The following PDE5A variants were observed in gnomAD, a reference collection of about 807,000 sequenced individuals.
The protein encoded by PDE5A is cGMP-specific 3',5'-cyclic phosphodiesterase.
A neutral mutation model predicts 110.2 loss-of-function variants in PDE5A; 67 were observed. The ratio of observed to expected loss-of-function variants is 0.61; its 90% confidence interval spans 0.50 to 0.75. The LOEUF (loss-of-function observed/expected upper bound fraction) is 0.75. PDE5A is among the 30% of genes least tolerant of loss of function. The probability of loss-of-function intolerance (pLI) is 0.00; values close to 1 mark genes in which losing one functional copy is unlikely to be tolerated. For missense variants in PDE5A, 862 were observed against 1,045.1 expected, an observed-to-expected ratio of 0.82 and a Z score of 2.42; for synonymous variants, 328 against 351.2, an observed-to-expected ratio of 0.93 and a Z score of 0.74.
At chr4:119,570,056 A>T (rs1280093314) in intron 3 of PDE5A, among the ~76,000 whole-genome samples, 2 of 152,178 alleles carry the variant, frequency 1.3e-5, no homozygotes, top group African/African-American at 4.8e-5. Context: ...GAAAAATGAC[A>T]CTGATAAAAA....
chr4:119,545,132 A>G (rs551307475), intron 9 of PDE5A, among the ~76,000 whole-genome samples: 46 of 152,306 alleles, frequency 3.0e-4, no homozygotes, highest in African/African-American at 1.1e-3. Context: ...AATAGCATTC[A>G]TGATAATCCC....
intron 3 of PDE5A, among the ~76,000 whole-genome samples, chr4:119,567,569 A>G (rs761800088): frequency 5.9e-5 from 9 of 152,212 alleles, no homozygotes; most frequent in Non-Finnish European, 1.0e-4. Context: ...CTTTTACTAA[A>G]AATGAAACAG....
In PDE5A at chr4:119,607,306, C is replaced by A; in HGVS notation, c.153-9G>T. ...ATGCATTGACCATTTCTCTGCAGAA[C>A]AGAACGTGCAGACACATTAGATACT... On this transcript the variant is annotated splice_polypyrimidine_tract_variant and intron_variant, in intron 1 of 20. Coordinates refer to ENST00000354960, the MANE Select transcript of PDE5A (RefSeq NM_001083.4). The A allele has an allele frequency of 6.4e-7, 1 of 1,569,486 alleles. No homozygotes were observed. Among genetic ancestry groups the A allele is most frequent in the Non-Finnish European group, 8.7e-7 (1 of 1,148,636 alleles).
At position 119,497,179 on chromosome 4, in the gene PDE5A, T is replaced by C. The variant is rs1386788933; in HGVS notation, c.*1422A>G. The C allele has an allele frequency of 6.6e-6, 1 of 152,118 alleles. No individual in the cohort carries two copies. The highest frequency in any genetic ancestry group is 1.5e-5 in the Non-Finnish European group (1 of 67,984). The allele number at this position is 152,118 out of a possible 1,614,324, so 9.4% of individuals were successfully genotyped here. A position where few individuals can be genotyped will look rare whatever the true frequency, so the allele number is the denominator to read the frequency against. ...ATAGAAACTCAGATCAAATATCTTT[T>C]TTGTGGGTTGGAGGTAGAAGTTAAC... On this transcript the variant is annotated 3_prime_UTR_variant, in exon 21 of 21. Transcript: ENST00000354960.
At chr4:119,521,551 G>T (rs1436595626) in intron 12 of PDE5A, among the ~76,000 whole-genome samples, 1 of 151,900 alleles carries the variant, frequency 6.6e-6, no homozygotes, top group Non-Finnish European at 1.5e-5. Flanking sequence ...TTAGTGCAAG[G>T]CCCTGGGGGT....
At chr4:119,567,791 G>C (rs1161367650) in intron 3 of PDE5A, among the ~76,000 whole-genome samples, 1 of 152,094 alleles carries the variant, frequency 6.6e-6, no homozygotes, top group Non-Finnish European at 1.5e-5. Context: ...AAGGCATTTG[G>C]AAGTTACTTA....
intron 1 of PDE5A, among the ~76,000 whole-genome samples, chr4:119,621,715 C>T (rs10025536): frequency 0.15 from 23,087 of 152,056 alleles, 1,907 homozygotes; most frequent in African/African-American, 0.2. Flanking sequence ...ATTTGATTAG[C>T]TAAATTCACA....
chr4:119,561,716 T>C (rs900747467), intron 6 of PDE5A, among the ~76,000 whole-genome samples: 1 of 152,178 alleles, frequency 6.6e-6, no homozygotes, highest in African/African-American at 2.4e-5. Flanking sequence ...TTATAACTGA[T>C]TGAAAAATAT....
At chr4:119,605,225 C>T (rs140898226) in intron 2 of PDE5A, among the ~76,000 whole-genome samples, 6 of 152,304 alleles carry the variant, frequency 3.9e-5, no homozygotes, top group Admixed American at 3.9e-4. Flanking sequence ...TATCCACACA[C>T]TTACATGGTC....
intron 7 of PDE5A, among the ~76,000 whole-genome samples, chr4:119,556,603 G>A (rs1727548958): frequency 6.6e-6 from 1 of 152,180 alleles, no homozygotes; most frequent in Non-Finnish European, 1.5e-5. Context: ...CTAATCCTAA[G>A]TGATACGGTG....
At chr4:119,507,389 G>A (rs866733849) in intron 16 of PDE5A, among the ~76,000 whole-genome samples, 4 of 151,880 alleles carry the variant, frequency 2.6e-5, no homozygotes, top group Admixed American at 6.6e-5. Context: ...CACAGTGGTA[G>A]ATAAACATCA....
At chr4:119,505,769 G>T in intron 17 of PDE5A, 86 bp downstream of exon 17, 1 of 722,058 alleles carries the variant, frequency 1.4e-6, no homozygotes, top group African/African-American at 1.9e-5. Context: ...ACAAATAATT[G>T]CAATAAAAAC....
rs557373465 is a variant in PDE5A, at chr4:119,497,185, G to T, written c.*1416C>A. 1 of 152,042 alleles carries T rather than the reference G, an allele frequency of 6.6e-6. No homozygotes were observed. The highest frequency in any genetic ancestry group is 2.1e-4 in the South Asian group (1 of 4,820). The allele number at this position is 152,042 out of a possible 1,614,324, so 9.4% of individuals were successfully genotyped here. A position where few individuals can be genotyped will look rare whatever the true frequency, so the allele number is the denominator to read the frequency against. ...ACTCAGATCAAATATCTTTTTTGTG[G>T]GTTGGAGGTAGAAGTTAACAAATCA... On this transcript the variant is annotated 3_prime_UTR_variant, in exon 21 of 21. Coordinates refer to ENST00000354960, the MANE Select transcript of PDE5A (RefSeq NM_001083.4).
At chr4:119,561,889 C>G (rs1023937765) in intron 6 of PDE5A, among the ~76,000 whole-genome samples, 3 of 152,150 alleles carry the variant, frequency 2.0e-5, no homozygotes, top group Admixed American at 1.3e-4. Flanking sequence ...TCTAAATCAA[C>G]TAAAATTTCT....
chr4:119,506,496 T>G (rs544463604), intron 16 of PDE5A, among the ~76,000 whole-genome samples: 2 of 151,918 alleles, frequency 1.3e-5, no homozygotes, highest in African/African-American at 4.8e-5. Context: ...AAGACAAAAA[T>G]TTTTCTTTTC....
At chr4:119,543,674 A>G (rs1727030117) in intron 9 of PDE5A, 1 of 152,540 alleles carries the variant, frequency 6.6e-6, no homozygotes, top group African/African-American at 2.4e-5. Flanking sequence ...CTCAACTGCC[A>G]TATTACCTGT....
intron 9 of PDE5A, among the ~76,000 whole-genome samples, chr4:119,547,090 A>T: frequency 7.6e-6 from 1 of 132,408 alleles, no homozygotes; most frequent in Admixed American, 7.9e-5. Flanking sequence ...TTTGGTTAGA[A>T]TTTCTTTGGG....
chr4:119,537,656 G>T (rs1273901884), intron 11 of PDE5A, among the ~76,000 whole-genome samples: 1 of 151,826 alleles, frequency 6.6e-6, no homozygotes, highest in Non-Finnish European at 1.5e-5. Flanking sequence ...TCACTACCAT[G>T]GGATGTTAAC....
chr4:119,506,889 C>T (rs1490355334), intron 16 of PDE5A, among the ~76,000 whole-genome samples: 2 of 151,784 alleles, frequency 1.3e-5, no homozygotes, highest in Non-Finnish European at 2.9e-5. Flanking sequence ...TAACTACAAC[C>T]ATGAATGTGA....
Sources: allele counts gnomAD v4.1 joint callset (sites outside exome capture counted in the v4.1 genomes callset), GRCh38; gene constraint gnomAD v4.1.1; transcripts MANE v1.5; gene names NCBI Gene and HGNC (gene_info 2026-07-23, HGNC 2026-07-21).